Variants in POLA1 observed in about 807,000 individuals in gnomAD.
POLA1 encodes DNA polymerase alpha 1, catalytic subunit, also known as DNA polymerase alpha catalytic subunit.
POLA1 carries 15 observed loss-of-function variants against 124.0 expected under a neutral mutation model. That is an observed-to-expected ratio of 0.12 (90% CI 0.08 to 0.19). The LOEUF (loss-of-function observed/expected upper bound fraction) is 0.19, where lower values mean the gene tolerates loss of function less well. Ranked by LOEUF, POLA1 falls within the 10% of genes least tolerant of loss-of-function variation. The probability of loss-of-function intolerance (pLI) is 1.00; values close to 1 mark genes in which losing one functional copy is unlikely to be tolerated. For missense variants in POLA1, 886 were observed against 1,103.4 expected, an observed-to-expected ratio of 0.80 and a Z score of 2.79; for synonymous variants, 408 against 389.4, an observed-to-expected ratio of 1.05 and a Z score of -0.56.
intron 24 of POLA1, among the ~76,000 whole-genome samples, chrX:24,745,996 C>T (rs1444565714): frequency 9.0e-6 from 1 of 111,427 alleles, no homozygotes; most frequent in African/African-American, 3.3e-5. Context: ...ATTTTATATG[C>T]GTGTGTGGTG....
In POLA1 at chrX:24,741,364, T is replaced by C; in HGVS notation, c.2217-11T>C. The C allele has an allele frequency of 1.7e-6, 2 of 1,178,809 alleles. No individual in the cohort carries two copies. Among genetic ancestry groups the C allele is most frequent in the Non-Finnish European group, 2.3e-6 (2 of 868,821 alleles). ...TACTTGATTCTGTTTCATTCTTACT[T>C]TTCTGTACAGTGAATCTTCTCAACT... On this transcript the variant is annotated splice_polypyrimidine_tract_variant and intron_variant, in intron 20 of 36. Coordinates refer to ENST00000379068, the MANE Select transcript of POLA1 (RefSeq NM_001330360.2).
chrX:24,847,698 TG>T lies in POLA1; in HGVS notation c.4047+4022del, dbSNP rs753206188. On this transcript the variant is annotated intron_variant, in intron 34 of 36. Transcript: ENST00000379068. Reference sequence around the variant, plus strand: ...AATTAAGCTTTTTGAGGACAGGGGCTGTGCTTTCTTTTCTGTTTTATGTGTG... The same window carrying T: ...AATTAAGCTTTTTGAGGACAGGGGCTTGCTTTCTTTTCTGTTTTATGTGTG... 1.5e-3 allele frequency among the ~76,000 whole-genome samples: 174 copies of T among 112,453 alleles called. 1 individual carries two copies. Among genetic ancestry groups the T allele is most frequent in the African/African-American group, 5.4e-3 (169 of 31,021 alleles).
intron 30 of POLA1, among the ~76,000 whole-genome samples, chrX:24,817,380 C>T (rs1050093270): frequency 2.7e-5 from 3 of 110,350 alleles, no homozygotes; most frequent in Non-Finnish European, 5.7e-5. Flanking sequence ...GAGGCTGAGG[C>T]GGGTGGATCA....
At chrX:24,694,331 G>A (rs1233187552) in intron 1 of POLA1, among the ~76,000 whole-genome samples, 1 of 112,670 alleles carries the variant, frequency 8.9e-6, no homozygotes, top group Non-Finnish European at 1.9e-5. Context: ...GGGGCCGAAA[G>A]TATTTCACTG....
chrX:24,757,641 G>T lies in POLA1; in HGVS notation c.2964+8649G>T, dbSNP rs927123111. Among the ~76,000 whole-genome samples the T allele has an allele frequency of 2.7e-5, 3 of 109,118 alleles. No homozygotes were observed. In the East Asian group the frequency reaches 8.6e-4, roughly 31 times the overall value. The allele number at this position is 109,118 out of a possible 115,157, so 94.8% of individuals were successfully genotyped here. ...TTGTTAGTAGAGACGGGGTTTCACT[G>T]TGTTAGCCGGGATGGTCTCGAGCTC... On this transcript the variant is annotated intron_variant, in intron 26 of 36. Transcript: ENST00000379068.
intron 35 of POLA1, among the ~76,000 whole-genome samples, chrX:24,904,368 A>G (rs1210844163): frequency 9.0e-6 from 1 of 110,756 alleles, no homozygotes. Context: ...CAGGAGAAGC[A>G]AGTAGTGGCA....
chrX:24,827,455 T>C (rs930773251), intron 32 of POLA1, among the ~76,000 whole-genome samples: 2 of 112,268 alleles, frequency 1.8e-5, no homozygotes, highest in African/African-American at 6.5e-5. Context: ...TCTCACAAAC[T>C]CTTAACTTTG....
At chrX:24,727,122 G>T in intron 14 of POLA1, 51 bp downstream of exon 14, 1 of 1,021,680 alleles carries the variant, frequency 9.8e-7, no homozygotes, top group Non-Finnish European at 1.3e-6. Flanking sequence ...GATAGATGTG[G>T]TTTTTAAAAG....
At chrX:24,761,122 G>T (rs1317075971) in intron 26 of POLA1, among the ~76,000 whole-genome samples, 2 of 111,975 alleles carry the variant, frequency 1.8e-5, no homozygotes, top group Non-Finnish European at 3.8e-5. Flanking sequence ...TCCAGAAATG[G>T]TTTCTGTGTC....
intron 34 of POLA1, among the ~76,000 whole-genome samples, chrX:24,852,599 C>T (rs2046579563): frequency 8.9e-6 from 1 of 112,148 alleles, no homozygotes; most frequent in Admixed American, 9.4e-5. Context: ...CGTGAGCCAC[C>T]ATGCCTGGCT....
chrX:24,941,667 G>T (rs1293850064), intron 36 of POLA1, among the ~76,000 whole-genome samples: 6 of 112,441 alleles, frequency 5.3e-5, no homozygotes, highest in African/African-American at 1.9e-4. Context: ...TCCTGTAGTT[G>T]TCATGAATTT....
intron 36 of POLA1, among the ~76,000 whole-genome samples, chrX:24,976,722 T>A (rs1223574251): frequency 8.9e-6 from 1 of 112,415 alleles, no homozygotes; most frequent in East Asian, 2.8e-4. Flanking sequence ...TTATCAGAAG[T>A]TCATATGTCT....
chrX:24,974,600 CA>C (rs1168292627), intron 36 of POLA1, among the ~76,000 whole-genome samples: 1 of 97,211 alleles, frequency 1.0e-5, no homozygotes, highest in Non-Finnish European at 2.0e-5. Context: ...GGGAGTTGAA[CA>C]GTGAGAACAC....
At chrX:24,983,435 A>G (rs1166332218) in intron 36 of POLA1, among the ~76,000 whole-genome samples, 1 of 112,358 alleles carries the variant, frequency 8.9e-6, no homozygotes, top group Non-Finnish European at 1.9e-5. Context: ...CCCAGTCAGT[A>G]CTTAATAAAT....
intron 26 of POLA1, among the ~76,000 whole-genome samples, chrX:24,801,300 G>C (rs748048990): frequency 1.3e-4 from 15 of 111,577 alleles, no homozygotes; most frequent in Non-Finnish European, 2.8e-4. Context: ...CCAACTTTAG[G>C]GTCCTGTTGT....
chrX:24,760,037 C>T (rs908074694), intron 26 of POLA1, among the ~76,000 whole-genome samples: 2 of 112,250 alleles, frequency 1.8e-5, no homozygotes, highest in African/African-American at 6.5e-5. Context: ...GTGCCATTCC[C>T]TCCTTGTTAA....
chrX:24,911,066 A>T (rs978454665), intron 35 of POLA1, among the ~76,000 whole-genome samples: 1 of 112,480 alleles, frequency 8.9e-6, no homozygotes, highest in African/African-American at 3.2e-5. Flanking sequence ...AGAAATCAAT[A>T]AAAGAGTGAT....
chrX:24,791,425 C>T lies in POLA1; in HGVS notation c.2965-18473C>T, dbSNP rs140123729. Among the ~76,000 whole-genome samples the T allele has an allele frequency of 7.5e-4, 85 of 112,761 alleles. No homozygotes were observed. In the East Asian group the frequency reaches 0.022, roughly 29 times the overall value. On this transcript the variant is annotated intron_variant, in intron 26 of 36. Transcript: ENST00000379068. ...GTTTGGAGATGGAGTCTTGCCCTGTCGTCCAGGCTGGAGTGCAATGGCACG... is the reference window on the plus strand; with the variant it reads ...GTTTGGAGATGGAGTCTTGCCCTGTTGTCCAGGCTGGAGTGCAATGGCACG...
At chrX:24,772,744 A>T (rs1393215741) in intron 26 of POLA1, among the ~76,000 whole-genome samples, 1 of 111,857 alleles carries the variant, frequency 8.9e-6, no homozygotes, top group African/African-American at 3.3e-5. Flanking sequence ...ATGGCTGTAA[A>T]TTAGTTCAAC....
Sources: gnomAD v4.1 joint callset for allele counts (sites outside exome capture counted in the v4.1 genomes callset) on GRCh38, gnomAD v4.1.1 for gene constraint, MANE v1.5 for transcripts, NCBI Gene and HGNC (gene_info 2026-07-23, HGNC 2026-07-21) for gene names.